PPP6R2: variants seen among roughly 807,000 people sequenced by gnomAD.
PPP6R2 encodes protein phosphatase 6 regulatory subunit 2.
In PPP6R2, 62 loss-of-function variants were observed where a neutral mutation model predicts 100.2. That is an observed-to-expected ratio of 0.62 (90% CI 0.50 to 0.76). The LOEUF is 0.76. PPP6R2 is among the 30% of genes least tolerant of loss of function. The pLI is 0.00. For missense variants in PPP6R2, 1,142 were observed against 1,276.3 expected (o/e 0.89, Z 1.60); for synonymous variants, 525 against 514.7 (o/e 1.02, Z -0.27).
At chr22:50,352,583 G>T (rs2045544638) in intron 1 of PPP6R2, among the ~76,000 whole-genome samples, 1 of 151,852 alleles carries the variant, frequency 6.6e-6, no homozygotes, top group Non-Finnish European at 1.5e-5. Context: ...AAATTTGCTG[G>T]GTATGGTGGT....
At chr22:50,397,167 C>T (rs1023106380) in intron 3 of PPP6R2, among the ~76,000 whole-genome samples, 2 of 152,024 alleles carry the variant, frequency 1.3e-5, no homozygotes, top group African/African-American at 4.8e-5. Flanking sequence ...GGGAGACTTC[C>T]GTAAGTAAGC....
intron 2 of PPP6R2, among the ~76,000 whole-genome samples, chr22:50,386,044 C>T (rs527870678): frequency 1.3e-3 from 185 of 141,352 alleles, no homozygotes; most frequent in South Asian, 2.3e-3. Flanking sequence ...AGGATGGTCT[C>T]GATCTCCTGA....
chr22:50,388,558 C>G (rs569414734), intron 2 of PPP6R2, among the ~76,000 whole-genome samples: 3 of 152,130 alleles, frequency 2.0e-5, no homozygotes, highest in African/African-American at 7.2e-5. Context: ...GAGCAGGACC[C>G]TGTCTCAAAA....
rs1325925482 is a variant in PPP6R2, at chr22:50,441,036, G to T, written c.2579+10G>T. On this transcript the variant is annotated intron_variant, in intron 22 of 23. Transcript: ENST00000612753. Reference sequence around the variant, plus strand: ...AGGAGGCTGTCGGCAGGTGTGTGGGGCGTGGCGGGGGCGGGCCTGCCGGGT... The same window carrying T: ...AGGAGGCTGTCGGCAGGTGTGTGGGTCGTGGCGGGGGCGGGCCTGCCGGGT... The T allele has an allele frequency of 2.6e-6, 4 of 1,555,200 alleles. No individual in the cohort carries two copies. The East Asian group carries it at 9.4e-5, about 36-fold the overall frequency.
rs1295564231 is a variant in PPP6R2, at chr22:50,385,554, C to G, written c.-16-8339C>G. 1.0e-4 allele frequency among the ~76,000 whole-genome samples: 15 copies of G among 148,784 alleles called. No homozygotes were observed. In the Admixed American group the frequency reaches 1.0e-3, roughly 10 times the overall value. On this transcript the variant is annotated intron_variant, in intron 2 of 23. Coordinates refer to ENST00000612753, the MANE Select transcript of PPP6R2 (RefSeq NM_001242898.2). ...TTTTGAGACGAAGTCTTGCTCTCAT[C>G]CCCTAGGCTGGAGTGCAATGGCGCT... is the stretch of plus-strand genomic sequence containing the variant.
intron 4 of PPP6R2, among the ~76,000 whole-genome samples, chr22:50,409,471 A>G (rs970464130): frequency 6.6e-6 from 1 of 152,072 alleles, no homozygotes; most frequent in Non-Finnish European, 1.5e-5. Flanking sequence ...CTCTGTCGCC[A>G]GGCTGAAGTG....
chr22:50,437,387 C>T, intron 15 of PPP6R2, 119 bp from the exon 16 acceptor site: 1 of 732,566 alleles, frequency 1.4e-6, no homozygotes, highest in South Asian at 1.7e-5. Flanking sequence ...CCCACTTGTG[C>T]TGGAGGAGAA....
chr22:50,401,985 AG>A (rs1361505319), intron 3 of PPP6R2, among the ~76,000 whole-genome samples: 1 of 152,188 alleles, frequency 6.6e-6, no homozygotes, highest in African/African-American at 2.4e-5. Flanking sequence ...TTTTAATAAA[AG>A]CTTCAAGTTC....
rs746810473 is a variant in PPP6R2, at chr22:50,443,913, C to T, written c.2627C>T (p.Pro876Leu). ...CTGTTAAGCCCTGCCTGCCCCGCGC[C>T]AAAGGAAGTGACTGCTGCCCCAGCC... ...SRLLSPACPA[P>L]KEVTAAPAVA... is the part of the protein sequence containing the mutation. The change falls in exon 23 of 24, where the codon CCA becomes CTA. Residue 876 changes from proline (P) to leucine (L), a missense_variant. Pro to Leu is a moderately conservative substitution (Grantham distance 98). Transcript: ENST00000612753. The T allele has an allele frequency of 6.3e-7, 1 of 1,598,106 alleles. No individual in the cohort carries two copies. The highest frequency in any genetic ancestry group is 8.5e-7 in the Non-Finnish European group (1 of 1,172,586).
chr22:50,363,181 G>A (rs2048116685), intron 1 of PPP6R2, among the ~76,000 whole-genome samples: 1 of 152,158 alleles, frequency 6.6e-6, no homozygotes. Context: ...TGATTGCTGG[G>A]GTGGGCCTGT....
chr22:50,389,981 TC>T (rs1421122876), intron 2 of PPP6R2, among the ~76,000 whole-genome samples: 1 of 148,040 alleles, frequency 6.8e-6, no homozygotes, highest in Non-Finnish European at 1.5e-5. Flanking sequence ...TTTTCTTTTT[TC>T]TTTTTCTTTT....
intron 14 of PPP6R2, among the ~76,000 whole-genome samples, chr22:50,436,773 G>A (rs1458796538): frequency 1.3e-5 from 2 of 152,204 alleles, no homozygotes; most frequent in Non-Finnish European, 2.9e-5. Flanking sequence ...CCCACAACCT[G>A]CCCCCTGCAC....
chr22:50,373,423 G>T (rs1414686103), intron 2 of PPP6R2, among the ~76,000 whole-genome samples: 2 of 151,372 alleles, frequency 1.3e-5, no homozygotes, highest in African/African-American at 4.8e-5. Context: ...TTTTGTATTT[G>T]TAGTAGAGAC....
At chr22:50,432,933 T>TG (rs2063450235) in intron 12 of PPP6R2, among the ~76,000 whole-genome samples, 1 of 143,624 alleles carries the variant, frequency 7.0e-6, no homozygotes, top group African/African-American at 2.5e-5. Flanking sequence ...CTTGGGGTGC[T>TG]GAGCCTGAGC....
intron 2 of PPP6R2, among the ~76,000 whole-genome samples, chr22:50,380,446 T>C (rs983021418): frequency 6.6e-6 from 1 of 151,266 alleles, no homozygotes; most frequent in African/African-American, 2.4e-5. Context: ...CTGCAACCTC[T>C]ACCTCCCAGA....
chr22:50,404,476 T>TGCCTCCCGGGCTCAAGCCATCCTGC (rs1343313355), intron 3 of PPP6R2, among the ~76,000 whole-genome samples: 1 of 151,900 alleles, frequency 6.6e-6, no homozygotes, highest in Non-Finnish European at 1.5e-5. Flanking sequence ...CGGCAACCTC[T>TGCCTCCCGGGCTCAAGCCATCCTGC]GCCTCCCGGG....
intron 3 of PPP6R2, among the ~76,000 whole-genome samples, chr22:50,396,152 C>T (rs182015407): frequency 0.021 from 3,025 of 145,378 alleles, 6 homozygotes; most frequent in African/African-American, 0.064. Context: ...GCTGAGATTG[C>T]GCCATTGCAC....
chr22:50,379,699 G>C (rs2052454895), intron 2 of PPP6R2, among the ~76,000 whole-genome samples: 2 of 152,210 alleles, frequency 1.3e-5, no homozygotes, highest in South Asian at 4.1e-4. Context: ...GGGCCACATA[G>C]GGAGACCTTG....
At chr22:50,429,066 T>C (rs968825045) in intron 10 of PPP6R2, among the ~76,000 whole-genome samples, 1 of 152,092 alleles carries the variant, frequency 6.6e-6, no homozygotes, top group East Asian at 1.9e-4. Flanking sequence ...GTTTTGCTCT[T>C]GTTGCCCAGG....
Sources: gnomAD v4.1 joint callset for allele counts (sites outside exome capture counted in the v4.1 genomes callset) on GRCh38, gnomAD v4.1.1 for gene constraint, MANE v1.5 for transcripts, NCBI Gene and HGNC (gene_info 2026-07-23, HGNC 2026-07-21) for gene names.